Variants in APLP2 observed in about 807,000 individuals in gnomAD.
APLP2 encodes the protein CDEI box-binding protein.
A neutral mutation model predicts 89.9 loss-of-function variants in APLP2; 53 were observed. The observed-to-expected ratio is 0.59, with a 90% CI of 0.47 to 0.74. The LOEUF (loss-of-function observed/expected upper bound fraction) is 0.74, where lower values mean the gene tolerates loss of function less well. Ranked by LOEUF, APLP2 falls within the 30% of genes least tolerant of loss-of-function variation. The pLI, the probability that APLP2 is intolerant of heterozygous loss-of-function variation, is 0.00. For missense variants in APLP2, 973 were observed against 975.9 expected, an observed-to-expected ratio of 1.00 and a Z score of 0.04; for synonymous variants, 372 against 348.6, an observed-to-expected ratio of 1.07 and a Z score of -0.75.
chr11:130,127,966 G>A, intron 9 of APLP2, 126 bp downstream of exon 9: 1 of 760,916 alleles, frequency 1.3e-6, no homozygotes, highest in Non-Finnish European at 2.1e-6. Context: ...CAAGGAAGTT[G>A]TAACTGGCCT....
Position 130,143,344 on chromosome 11 carries a change from C to G in APLP2, c.2155-3C>G, listed in dbSNP as rs1354728608. Reference sequence around the variant, plus strand: ...CAATGACCCTCAGGTTTTGTTCTTCCAGGTTGATCCAATGCTCACCCCAGA... The same window carrying G: ...CAATGACCCTCAGGTTTTGTTCTTCGAGGTTGATCCAATGCTCACCCCAGA... On this transcript the variant is annotated splice_polypyrimidine_tract_variant and splice_region_variant and intron_variant, in intron 16 of 16. Transcript: ENST00000338167. The G allele has an allele frequency of 1.9e-6, 3 of 1,613,634 alleles. No homozygotes were observed. The highest frequency in any genetic ancestry group is 3.3e-5 in the Admixed American group (2 of 60,028).
At position 130,134,858 on chromosome 11, in the gene APLP2, G is replaced by A. The variant is rs562635427; in HGVS notation, c.1685-705G>A. Among the ~76,000 whole-genome samples the A allele has an allele frequency of 1.2e-3, 186 of 152,276 alleles. 3 individuals are homozygous for A. The highest frequency in any genetic ancestry group is 6.6e-4 in the Non-Finnish European group (45 of 68,016). ...CTTAGGGTTCCACTGGGAGCAGCTC[G>A]GGGATGGTGGTACCATGGCTGACTG... On this transcript the variant is annotated intron_variant, in intron 12 of 16. Coordinates refer to ENST00000338167, the MANE Select transcript of APLP2 (RefSeq NM_001142276.2).
At chr11:130,077,655 T>G (rs1378443631) in intron 1 of APLP2, among the ~76,000 whole-genome samples, 2 of 152,140 alleles carry the variant, frequency 1.3e-5, no homozygotes, top group Non-Finnish European at 2.9e-5. Context: ...AATATAACAT[T>G]ACCAATAAAA....
intron 1 of APLP2, among the ~76,000 whole-genome samples, chr11:130,075,954 T>C (rs11221942): frequency 0.11 from 17,058 of 152,300 alleles, 1,236 homozygotes; most frequent in East Asian, 0.25. Context: ...ATATGGTTAA[T>C]AGTGACCCTT....
intron 13 of APLP2, among the ~76,000 whole-genome samples, chr11:130,136,853 T>C (rs952106100): frequency 4.6e-5 from 7 of 152,214 alleles, no homozygotes; most frequent in South Asian, 2.1e-4. Context: ...CAACTTCTTA[T>C]GTGCTTGTTG....
rs1291065019 is a variant in APLP2 at position 130,144,379 on chromosome 11, T to C, written c.*931T>C. 1.3e-5 allele frequency: 2 copies of C among 152,300 alleles called. No individual in the cohort carries two copies. The highest frequency in any genetic ancestry group is 2.9e-5 in the Non-Finnish European group (2 of 68,162). The allele number at this position is 152,300 out of a possible 1,614,324, so 9.4% of individuals were successfully genotyped here. ...CCCTCCTGTCACCGGCCTTGTGACA[T>C]TCACTCAGAGAAGACCACACCAAGG... On this transcript the variant is annotated 3_prime_UTR_variant, in exon 17 of 17. Coordinates refer to ENST00000338167, the MANE Select transcript of APLP2 (RefSeq NM_001142276.2).
chr11:130,093,275 T>G (rs1945699049), intron 1 of APLP2, among the ~76,000 whole-genome samples: 1 of 152,096 alleles, frequency 6.6e-6, no homozygotes, highest in Non-Finnish European at 1.5e-5. Context: ...TGGCTTAGGA[T>G]CACCAAAGAC....
At chr11:130,113,422 A>G (rs990526808) in intron 3 of APLP2, among the ~76,000 whole-genome samples, 1 of 152,232 alleles carries the variant, frequency 6.6e-6, no homozygotes, top group African/African-American at 2.4e-5. Context: ...ATAAAGCATT[A>G]TACAATCTTT....
intron 1 of APLP2, among the ~76,000 whole-genome samples, chr11:130,072,068 G>T (rs1420271814): frequency 6.6e-6 from 1 of 152,156 alleles, no homozygotes; most frequent in Non-Finnish European, 1.5e-5. Context: ...TTATTGATTG[G>T]CAAATCTTTA....
At chr11:130,070,652 C>G (rs1380423413) in intron 1 of APLP2, 18 of 1,470,820 alleles carry the variant, frequency 1.2e-5, no homozygotes, top group East Asian at 6.0e-5. Context: ...CCAGGCCGCC[C>G]GCTGCTCCCT....
intron 13 of APLP2, chr11:130,137,207 T>C: frequency 9.7e-6 from 15 of 1,545,930 alleles, no homozygotes; most frequent in Non-Finnish European, 1.3e-5. Context: ...TTTTTTAATC[T>C]CCTTTTGTGC....
At chr11:130,072,251 A>G (rs552522704) in intron 1 of APLP2, among the ~76,000 whole-genome samples, 2 of 152,300 alleles carry the variant, frequency 1.3e-5, no homozygotes, top group African/African-American at 4.8e-5. Context: ...TGTGCAGTGG[A>G]TGACTAGGCT....
intron 11 of APLP2, among the ~76,000 whole-genome samples, chr11:130,131,642 G>T (rs975811430): frequency 6.6e-6 from 1 of 152,162 alleles, no homozygotes; most frequent in African/African-American, 2.4e-5. Flanking sequence ...TAGGCTCTTG[G>T]GGTCTACTTG....
intron 1 of APLP2, 134 bp from the exon 2 acceptor site, chr11:130,109,295 G>T: frequency 1.3e-6 from 1 of 774,806 alleles, no homozygotes. Flanking sequence ...CTGGGAAAAG[G>T]ATTTGTTTGT....
At chr11:130,081,984 A>G (rs140877061) in intron 1 of APLP2, among the ~76,000 whole-genome samples, 259 of 152,314 alleles carry the variant, frequency 1.7e-3, no homozygotes, top group African/African-American at 5.7e-3. Context: ...ATTATTAGCA[A>G]ACATTTATGG....
At position 130,127,858 on chromosome 11, in the gene APLP2, G is replaced by A; in HGVS notation, c.1296+18G>A. On this transcript the variant is annotated intron_variant, in intron 9 of 16. Coordinates refer to ENST00000338167, the MANE Select transcript of APLP2 (RefSeq NM_001142276.2). ...TGATTCAGGTAAGATGCCTTCTCTGGGGACATAGCTTTCAGCCTGACCATT... is the reference window on the plus strand; with the variant it reads ...TGATTCAGGTAAGATGCCTTCTCTGAGGACATAGCTTTCAGCCTGACCATT... 6.2e-7 allele frequency: 1 copy of A among 1,609,862 alleles called. No individual in the cohort carries two copies. Among genetic ancestry groups the A allele is most frequent in the South Asian group, 1.1e-5 (1 of 90,768 alleles).
intron 1 of APLP2, among the ~76,000 whole-genome samples, chr11:130,080,243 A>C (rs1942920618): frequency 6.6e-6 from 1 of 152,120 alleles, no homozygotes. Flanking sequence ...ACGGAATCTT[A>C]CCCTGTTGAC....
At chr11:130,103,240 G>A (rs1170251580) in intron 1 of APLP2, among the ~76,000 whole-genome samples, 1 of 152,202 alleles carries the variant, frequency 6.6e-6, no homozygotes, top group Non-Finnish European at 1.5e-5. Flanking sequence ...TAGGGTTGGG[G>A]TATGTTTGAT....
chr11:130,090,475 A>C (rs71673438), intron 1 of APLP2, among the ~76,000 whole-genome samples: 1 of 151,358 alleles, frequency 6.6e-6, no homozygotes, highest in East Asian at 1.9e-4. Flanking sequence ...CTTAACGAGC[A>C]TGCTGCCTTC....
Sources: allele counts gnomAD v4.1 joint callset (sites outside exome capture counted in the v4.1 genomes callset), GRCh38; gene constraint gnomAD v4.1.1; transcripts MANE v1.5; gene names NCBI Gene and HGNC (gene_info 2026-07-23, HGNC 2026-07-21).